Variants in XRN2 observed in about 807,000 individuals in gnomAD.
The protein encoded by XRN2 is DHM1-like protein.
Under a neutral mutation model 138.5 loss-of-function variants are expected in XRN2, and 44 were observed. The observed-to-expected ratio is 0.32, with a 90% CI of 0.25 to 0.41. The LOEUF is 0.41. XRN2 is among the 10% of genes least tolerant of loss of function. The pLI is 1.00. For missense variants in XRN2, 937 were observed against 1,169.3 expected (o/e 0.80, Z 2.90); for synonymous variants, 354 against 369.4 (o/e 0.96, Z 0.48).
At chr20:21,328,431 T>A in intron 3 of XRN2, 128 bp from the exon 4 acceptor site, 1 of 890,826 alleles carries the variant, frequency 1.1e-6, no homozygotes, top group Non-Finnish European at 1.7e-6. Flanking sequence ...AAAGGATTAT[T>A]AGACACATTA....
chr20:21,362,334 T>C (rs1184418991), intron 24 of XRN2, among the ~76,000 whole-genome samples: 1 of 152,216 alleles, frequency 6.6e-6, no homozygotes, highest in Non-Finnish European at 1.5e-5. Flanking sequence ...TCTGTGACGC[T>C]GGGATTTTCT....
chr20:21,344,249 G>T (rs1362838278), intron 16 of XRN2, 41 bp downstream of exon 16: 2 of 1,441,426 alleles, frequency 1.4e-6, no homozygotes. Flanking sequence ...GCAAATTGCT[G>T]AAATAGATGC....
chr20:21,357,781 C>T lies in XRN2; in HGVS notation c.2244C>T (p.Asn748=). The change falls in exon 24 of 30, where the codon AAC becomes AAT. Residue 748 remains asparagine (N), a synonymous_variant. Transcript: ENST00000377191. The part of the protein sequence containing the change: ...PVPMLRDLTQ[N]TVVSINFKDP... ...CTATGTTAAGGGATCTGACACAGAA[C>T]ACTGTAGTCAGGTAAGTTTTCCAAA... The T allele has an allele frequency of 6.3e-7, 1 of 1,599,060 alleles. No homozygotes were observed. Among genetic ancestry groups the T allele is most frequent in the Non-Finnish European group, 8.5e-7 (1 of 1,173,206 alleles).
intron 1 of XRN2, 54 bp from the exon 2 acceptor site, chr20:21,326,225 T>G (rs1265721184): frequency 2.4e-5 from 37 of 1,570,350 alleles, no homozygotes; most frequent in Non-Finnish European, 3.1e-5. Flanking sequence ...GCCTAGGATC[T>G]GTCATTTTTA....
intron 6 of XRN2, 41 bp from the exon 7 acceptor site, chr20:21,331,520 A>T: frequency 6.5e-7 from 1 of 1,539,372 alleles, no homozygotes; most frequent in Non-Finnish European, 8.9e-7. Flanking sequence ...TGCCTATAGA[A>T]AATTGGGGAT....
chr20:21,340,055 A>G lies in XRN2; in HGVS notation c.1279-666A>G, dbSNP rs532940870. On this transcript the variant is annotated intron_variant, in intron 14 of 29. Transcript: ENST00000377191. Reference sequence around the variant, plus strand: ...TCTTAGTCAGCCAAGACTATCACCTATGTTAGCTATAATCATATCTAATTA... The same window carrying G: ...TCTTAGTCAGCCAAGACTATCACCTGTGTTAGCTATAATCATATCTAATTA... 1.1e-4 allele frequency among the ~76,000 whole-genome samples: 17 copies of G among 152,330 alleles called. 1 individual carries two copies. Among genetic ancestry groups the G allele is most frequent in the African/African-American group, 3.8e-4 (16 of 41,572 alleles).
intron 1 of XRN2, among the ~76,000 whole-genome samples, chr20:21,316,046 A>G (rs1471700440): frequency 6.6e-6 from 1 of 152,106 alleles, no homozygotes; most frequent in Non-Finnish European, 1.5e-5. Flanking sequence ...TGAGGACAGG[A>G]GTTTGAGACC....
chr20:21,313,648 C>A (rs972214734), intron 1 of XRN2, among the ~76,000 whole-genome samples: 2 of 152,088 alleles, frequency 1.3e-5, no homozygotes, highest in African/African-American at 4.8e-5. Context: ...TTTATGTGTC[C>A]AAGTAAAGGC....
rs781521469 is a variant in XRN2, at chr20:21,349,483, C to T, written c.1936+22C>T. ...CAAGGTAAAATTTAGACGTTCTTTT[C>T]TGGTAAAACTGTGAACAAACATAAT... is the stretch of plus-strand genomic sequence containing the variant. On this transcript the variant is annotated intron_variant, in intron 20 of 29. Coordinates refer to ENST00000377191, the MANE Select transcript of XRN2 (RefSeq NM_012255.5). 6 of 1,484,850 alleles carry T rather than the reference C, an allele frequency of 4.0e-6. No homozygotes were observed. In the Admixed American group the frequency reaches 1.0e-4, roughly 26 times the overall value. The allele number at this position is 1,484,850 out of a possible 1,614,324, so 92.0% of individuals were successfully genotyped here. A position where few individuals can be genotyped will look rare whatever the true frequency, so the allele number is the denominator to read the frequency against.
intron 1 of XRN2, among the ~76,000 whole-genome samples, chr20:21,313,712 G>C (rs763244641): frequency 6.6e-6 from 1 of 152,162 alleles, no homozygotes; most frequent in South Asian, 2.1e-4. Flanking sequence ...TGTACAGTGT[G>C]GTCTTACTGT....
intron 8 of XRN2, 46 bp downstream of exon 8, chr20:21,331,864 C>CA (rs1391067749): frequency 5.0e-6 from 8 of 1,594,998 alleles, no homozygotes; most frequent in Non-Finnish European, 6.9e-6. Context: ...TAAACCATAG[C>CA]AAGTTGATGG....
intron 8 of XRN2, among the ~76,000 whole-genome samples, 161 bp from the exon 9 acceptor site, chr20:21,332,122 T>C (rs1271456454): frequency 6.6e-6 from 1 of 152,218 alleles, no homozygotes; most frequent in Non-Finnish European, 1.5e-5. Context: ...GAGGACTTCC[T>C]GTTAACTGGG....
chr20:21,381,899 G>T, intron 27 of XRN2, 95 bp from the exon 28 acceptor site: 1 of 1,017,418 alleles, frequency 9.8e-7, no homozygotes, highest in Non-Finnish European at 1.4e-6. Context: ...GTCTTTCTCA[G>T]ATTTTTTTCA....
chr20:21,343,998 G>T (rs2038404390), intron 15 of XRN2, 92 bp from the exon 16 acceptor site: 4 of 890,730 alleles, frequency 4.5e-6, no homozygotes, highest in African/African-American at 3.3e-5. Flanking sequence ...AAATGTTACT[G>T]TGAAACATGG....
chr20:21,365,325 T>G, intron 24 of XRN2, 96 bp from the exon 25 acceptor site: 1 of 1,182,748 alleles, frequency 8.5e-7, no homozygotes, highest in Non-Finnish European at 1.2e-6. Context: ...CTAAAATAAT[T>G]TTTGGAGAGG....
intron 27 of XRN2, among the ~76,000 whole-genome samples, chr20:21,373,013 T>A (rs1348267564): frequency 2.3e-4 from 4 of 17,184 alleles, no homozygotes; most frequent in Non-Finnish European, 5.2e-4. Flanking sequence ...TTTCTTTTTC[T>A]TTTTTTTTGG....
At chr20:21,321,301 CTG>C (rs61188840) in intron 1 of XRN2, among the ~76,000 whole-genome samples, 12,125 of 121,288 alleles carry the variant, frequency 0.1, 571 homozygotes, top group East Asian at 0.14. Context: ...CTGTGCCTGG[CTG>C]TGTGTGTGTG....
chr20:21,366,177 T>A (rs1427164833), intron 26 of XRN2, among the ~76,000 whole-genome samples: 10 of 127,186 alleles, frequency 7.9e-5, no homozygotes, highest in African/African-American at 2.7e-4. Context: ...ATAATATATA[T>A]AAATATATAT....
rs1019052627 is a variant in XRN2, at chr20:21,357,618, T to C, written c.2199-118T>C. 2.0e-5 allele frequency: 14 copies of C among 687,998 alleles called. No individual in the cohort carries two copies. In the African/African-American group the frequency reaches 2.4e-4, roughly 12 times the overall value. 42.6% of individuals were successfully genotyped at this position (687,998 alleles called of 1,614,324 possible). ...TATAAATGGTTTTTATTGTTTTTGT[T>C]AGTGCATTCTAATGATTTATCTTTT... is the stretch of plus-strand genomic sequence containing the variant. On this transcript the variant is annotated intron_variant, in intron 23 of 29. Coordinates refer to ENST00000377191, the MANE Select transcript of XRN2 (RefSeq NM_012255.5).
Sources: allele counts gnomAD v4.1 joint callset (sites outside exome capture counted in the v4.1 genomes callset), GRCh38; gene constraint gnomAD v4.1.1; transcripts MANE v1.5; gene names NCBI Gene and HGNC (gene_info 2026-07-23, HGNC 2026-07-21).